DACH2: variants seen among roughly 807,000 people sequenced by gnomAD.
DACH2 encodes dachshund homolog 2.
In DACH2, 17 loss-of-function variants were observed where a neutral mutation model predicts 35.8. The observed-to-expected ratio is 0.48, with a 90% CI of 0.33 to 0.71. The LOEUF (loss-of-function observed/expected upper bound fraction) is 0.71, where lower values mean the gene tolerates loss of function less well. Among genes scored for constraint, DACH2 ranks in the 30% least tolerant of loss-of-function variants. DACH2 has a pLI of 0.02. For synonymous variants in DACH2, 195 were observed against 177.3 expected, an observed-to-expected ratio of 1.10 and a Z score of -0.79; for missense variants, 469 against 472.7, an observed-to-expected ratio of 0.99 and a Z score of 0.07.
chrX:86,421,917 T>A (rs1373197337), intron 2 of DACH2, among the ~76,000 whole-genome samples: 1 of 111,314 alleles, frequency 9.0e-6, no homozygotes, highest in African/African-American at 3.3e-5. Flanking sequence ...CCATTGACCT[T>A]GCAGCTATGT....
At chrX:86,512,750 T>A (rs1408619360) in intron 2 of DACH2, among the ~76,000 whole-genome samples, 2 of 112,251 alleles carry the variant, frequency 1.8e-5, no homozygotes, top group Non-Finnish European at 1.9e-5. Context: ...CTGGATATAT[T>A]CCGATGAACA....
intron 3 of DACH2, among the ~76,000 whole-genome samples, chrX:86,517,849 C>T (rs989143060): frequency 9.0e-6 from 1 of 111,356 alleles, no homozygotes; most frequent in African/African-American, 3.3e-5. Flanking sequence ...TGTAGGTTGT[C>T]TGTTTACTCT....
rs57895999 is a variant in DACH2 at position 86,295,649 on chromosome X, T to C, written c.489-81175T>C. 7.0e-3 allele frequency among the ~76,000 whole-genome samples: 775 copies of C among 111,084 alleles called. 5 individuals carry two copies. Among genetic ancestry groups the C allele is most frequent in the African/African-American group, 0.025 (758 of 30,503 alleles). On this transcript the variant is annotated intron_variant, in intron 1 of 11. Transcript: ENST00000373125. ...AGGGCTGGTTTAAATGCTCTCTCCT[T>C]GGTCGGACATCAGCTGAGTTTGGTC...
At chrX:86,782,378 G>C (rs930010221) in intron 7 of DACH2, among the ~76,000 whole-genome samples, 1 of 111,475 alleles carries the variant, frequency 9.0e-6, no homozygotes, top group African/African-American at 3.3e-5. Flanking sequence ...CAGAATGGCC[G>C]AAGTTACAAA....
chrX:86,538,367 C>T (rs1858050838), intron 3 of DACH2, among the ~76,000 whole-genome samples: 1 of 111,656 alleles, frequency 9.0e-6, no homozygotes, highest in African/African-American at 3.3e-5. Flanking sequence ...TTCCCTTCAC[C>T]TCCAAATTAT....
intron 1 of DACH2, among the ~76,000 whole-genome samples, chrX:86,270,012 A>G (rs1157557248): frequency 3.9e-5 from 4 of 101,358 alleles, no homozygotes; most frequent in Admixed American, 1.1e-4. Context: ...TTTTAATTAT[A>G]TATATATATA....
chrX:86,683,513 A>G (rs1254502630), intron 4 of DACH2, among the ~76,000 whole-genome samples: 1 of 111,759 alleles, frequency 8.9e-6, no homozygotes, highest in African/African-American at 3.2e-5. Context: ...CTGCTTTAAG[A>G]GCAACAAGTT....
chrX:86,515,352 A>G (rs1016682507), intron 3 of DACH2, among the ~76,000 whole-genome samples: 1 of 110,663 alleles, frequency 9.0e-6, no homozygotes, highest in African/African-American at 3.3e-5. Flanking sequence ...TAAGATGGAA[A>G]CTTTGGAGCT....
chrX:86,667,309 G>A (rs867324530), intron 4 of DACH2, among the ~76,000 whole-genome samples: 3 of 41,183 alleles, frequency 7.3e-5, no homozygotes, highest in African/African-American at 4.1e-4. Context: ...AAGGAAAGAA[G>A]GAAGGAAGGA....
intron 1 of DACH2, among the ~76,000 whole-genome samples, chrX:86,206,277 A>AG (rs200195500): frequency 4.2e-5 from 4 of 94,972 alleles, no homozygotes; most frequent in African/African-American, 6.5e-5. Flanking sequence ...ATAGTCCAAA[A>AG]GGGGAAAAAA....
chrX:86,636,930 G>C (rs544201134), intron 3 of DACH2, among the ~76,000 whole-genome samples: 4 of 101,150 alleles, frequency 4.0e-5, no homozygotes, highest in Non-Finnish European at 7.9e-5. Context: ...ATAACCTACA[G>C]AATGGGAGAA....
chrX:86,497,811 T>A (rs2038194554), intron 2 of DACH2, among the ~76,000 whole-genome samples: 2 of 110,743 alleles, frequency 1.8e-5, no homozygotes, highest in African/African-American at 6.6e-5. Context: ...TTGGCCAACA[T>A]GGCAAAACCC....
intron 1 of DACH2, among the ~76,000 whole-genome samples, chrX:86,336,895 G>C (rs56099600): frequency 9.2e-6 from 1 of 108,784 alleles, no homozygotes; most frequent in Non-Finnish European, 1.9e-5. Flanking sequence ...ACCTGATAGA[G>C]CTGAAAAACA....
At position 86,690,576 on chromosome X, in the gene DACH2, C is replaced by T. The variant is rs1009688423; in HGVS notation, c.773-4445C>T. Among the ~76,000 whole-genome samples, 4 of 111,485 alleles carry T rather than the reference C, an allele frequency of 3.6e-5. No homozygotes were observed. The Admixed American group carries it at 3.8e-4, about 11-fold the overall frequency. On this transcript the variant is annotated intron_variant, in intron 4 of 11. Transcript: ENST00000373125. ...TCCTACAAAGAAAATGCAACAAAAA[C>T]AAATAACCTTCTGGGAACCCTAACA... is the stretch of plus-strand genomic sequence containing the variant.
chrX:86,622,111 T>C (rs1343564050), intron 3 of DACH2, among the ~76,000 whole-genome samples: 2 of 111,613 alleles, frequency 1.8e-5, no homozygotes, highest in Non-Finnish European at 3.8e-5. Flanking sequence ...TCTGCTTTAC[T>C]AAACTTTGCT....
At position 86,219,757 on chromosome X, in the gene DACH2, A is replaced by C. The variant is rs1200041745; in HGVS notation, c.488+70649A>C. Among the ~76,000 whole-genome samples, 22 of 110,634 alleles carry C rather than the reference A, an allele frequency of 2.0e-4. No individual in the cohort carries two copies. In the Admixed American group the frequency reaches 2.1e-3, roughly 11 times the overall value. On this transcript the variant is annotated intron_variant, in intron 1 of 11. Transcript: ENST00000373125. Reference sequence around the variant, plus strand: ...AGCTTTACTGAGGTATAATAGTTACACAAAAACTGCACATATTTAATATGT... The same window carrying C: ...AGCTTTACTGAGGTATAATAGTTACCCAAAAACTGCACATATTTAATATGT...
At chrX:86,469,940 T>C (rs2037736145) in intron 2 of DACH2, among the ~76,000 whole-genome samples, 1 of 110,627 alleles carries the variant, frequency 9.0e-6, no homozygotes, top group Admixed American at 9.7e-5. Context: ...ATTCAATAAA[T>C]ATTTGCCATA....
chrX:86,684,943 G>A (rs2040924028), intron 4 of DACH2, among the ~76,000 whole-genome samples: 1 of 111,291 alleles, frequency 9.0e-6, no homozygotes, highest in Non-Finnish European at 1.9e-5. Context: ...GATTAAACAA[G>A]ATTTTAACTA....
chrX:86,229,942 A>G, intron 1 of DACH2, among the ~76,000 whole-genome samples: 1 of 110,769 alleles, frequency 9.0e-6, no homozygotes, highest in Middle Eastern at 4.2e-3. Context: ...CTTTTTACTG[A>G]TTTGGATGCC....
Sources: allele counts gnomAD v4.1 joint callset (sites outside exome capture counted in the v4.1 genomes callset), GRCh38; gene constraint gnomAD v4.1.1; transcripts MANE v1.5; gene names NCBI Gene and HGNC (gene_info 2026-07-23, HGNC 2026-07-21).